CCDC28B: variants seen among roughly 807,000 people sequenced by gnomAD.
CCDC28B encodes coiled-coil domain containing 28B.
A neutral mutation model predicts 18.7 loss-of-function variants in CCDC28B; 17 were observed. The ratio of observed to expected loss-of-function variants is 0.91; its 90% CI spans 0.62 to 1.36. CCDC28B has a LOEUF of 1.36. Ranked by LOEUF, CCDC28B falls within the 40% of genes most tolerant of loss-of-function variation. CCDC28B has a pLI of 0.00. For missense variants in CCDC28B, 213 were observed against 251.7 expected (o/e 0.85, Z 1.04); for synonymous variants, 116 against 105.1 (o/e 1.10, Z -0.64).
chr1:32,201,856 C>T, intron 1 of CCDC28B, 57 bp from the exon 2 acceptor site: 1 of 1,443,766 alleles, frequency 6.9e-7, no homozygotes, highest in Non-Finnish European at 9.4e-7. Context: ...TCAGGGATTT[C>T]TGGGTGAAGG....
chr1:32,203,225 G>A (rs920177280), intron 2 of CCDC28B: 7 of 152,068 alleles, frequency 4.6e-5, no homozygotes, highest in African/African-American at 1.7e-4. Context: ...GGAAGGCCAA[G>A]ACAGGCAGAT....
chr1:32,199,261 A>G (rs1241557212), upstream of CCDC28B, among the ~76,000 whole-genome samples: 1 of 152,170 alleles, frequency 6.6e-6, no homozygotes, highest in Non-Finnish European at 1.5e-5. Flanking sequence ...ATGTGCCCAC[A>G]ATGACTGTGA....
At chr1:32,198,763 G>C (rs1186857104), upstream of CCDC28B, among the ~76,000 whole-genome samples, 1 of 152,192 alleles carries the variant, frequency 6.6e-6, no homozygotes, top group Admixed American at 6.5e-5. Flanking sequence ...GACTGGGAGA[G>C]GGGGTGAGGC....
At chr1:32,201,463 T>C (rs1026433316) in intron 1 of CCDC28B, among the ~76,000 whole-genome samples, 38 of 151,986 alleles carry the variant, frequency 2.5e-4, no homozygotes, top group African/African-American at 9.2e-4. Flanking sequence ...CTGCACCTTG[T>C]CCCCCTCCCA....
intron 2 of CCDC28B, chr1:32,203,081 C>T (rs1332985574): frequency 6.6e-6 from 1 of 151,624 alleles, no homozygotes; most frequent in Non-Finnish European, 1.5e-5. Context: ...TTGCAGTGAA[C>T]CGAGATTGTG....
Sources: gnomAD v4.1 joint callset for allele counts (sites outside exome capture counted in the v4.1 genomes callset) on GRCh38, gnomAD v4.1.1 for gene constraint, MANE v1.5 for transcripts, NCBI Gene and HGNC (gene_info 2026-07-23, HGNC 2026-07-21) for gene names.